Variants in CCDC102B observed in about 807,000 individuals in gnomAD.
CCDC102B encodes the protein coiled-coil domain containing 102B.
Under a neutral mutation model 57.4 loss-of-function variants are expected in CCDC102B, and 75 were observed. The observed-to-expected ratio is 1.31, with a 90% confidence interval of 1.08 to 1.58. CCDC102B has a LOEUF of 1.58. Ranked by LOEUF, CCDC102B falls within the 40% of genes most tolerant of loss-of-function variation. The pLI, the probability that CCDC102B is intolerant of heterozygous loss-of-function variation, is 0.00. For synonymous variants in CCDC102B, 206 were observed against 201.9 expected, an observed-to-expected ratio of 1.02 and a Z score of -0.17; for missense variants, 636 against 582.6, an observed-to-expected ratio of 1.09 and a Z score of -0.94.
intron 4 of CCDC102B, among the ~76,000 whole-genome samples, chr18:68,864,762 G>T (rs944041908): frequency 1.3e-5 from 2 of 151,920 alleles, no homozygotes. Context: ...TTTTTGTACT[G>T]ATAATAAAAA....
At chr18:68,913,149 T>G (rs2040932363) in intron 6 of CCDC102B, among the ~76,000 whole-genome samples, 1 of 152,232 alleles carries the variant, frequency 6.6e-6, no homozygotes. Context: ...ATGCTTAATT[T>G]AATGGCATTT....
chr18:69,019,596 A>G (rs988401219), intron 7 of CCDC102B, among the ~76,000 whole-genome samples: 1 of 152,048 alleles, frequency 6.6e-6, no homozygotes, highest in African/African-American at 2.4e-5. Flanking sequence ...ACTTTACTGA[A>G]TTCATTTATT....
At chr18:68,901,085 T>C (rs1413165390) in intron 6 of CCDC102B, among the ~76,000 whole-genome samples, 7 of 152,288 alleles carry the variant, frequency 4.6e-5, no homozygotes, top group Non-Finnish European at 7.4e-5. Context: ...CAGAAAATCT[T>C]ACCCGAGGAA....
At chr18:68,896,387 T>C (rs886116098) in intron 5 of CCDC102B, among the ~76,000 whole-genome samples, 5 of 151,990 alleles carry the variant, frequency 3.3e-5, no homozygotes, top group Non-Finnish European at 7.4e-5. Context: ...TTGATAGTAA[T>C]AAAAATCTCC....
intron 4 of CCDC102B, among the ~76,000 whole-genome samples, chr18:68,857,145 T>A (rs6566393): frequency 0.078 from 873 of 11,260 alleles, 45 homozygotes; most frequent in Non-Finnish European, 0.12. Context: ...ATATTATATA[T>A]AAATATATTT....
chr18:68,981,317 G>T (rs1368089673), intron 6 of CCDC102B, among the ~76,000 whole-genome samples: 3 of 151,966 alleles, frequency 2.0e-5, no homozygotes, highest in African/African-American at 7.2e-5. Flanking sequence ...AGAGACTTGG[G>T]AATAAATCTT....
chr18:69,030,188 C>T (rs917467350), intron 7 of CCDC102B, among the ~76,000 whole-genome samples: 3 of 152,058 alleles, frequency 2.0e-5, no homozygotes, highest in Admixed American at 6.6e-5. Context: ...AAATATGTAA[C>T]ACAAAATATT....
At chr18:68,744,704 G>A (rs1277472605) in intron 2 of CCDC102B, among the ~76,000 whole-genome samples, 1 of 152,134 alleles carries the variant, frequency 6.6e-6, no homozygotes, top group Non-Finnish European at 1.5e-5. Flanking sequence ...CCCCGGCTGC[G>A]TGGTTACCCC....
chr18:69,026,725 C>T (rs1163398010), intron 7 of CCDC102B, among the ~76,000 whole-genome samples: 1 of 152,136 alleles, frequency 6.6e-6, no homozygotes, highest in Non-Finnish European at 1.5e-5. Context: ...TCCAAGGTCA[C>T]CCCTGTGGAC....
At chr18:68,879,853 G>A (rs1042535472) in intron 5 of CCDC102B, among the ~76,000 whole-genome samples, 6 of 152,136 alleles carry the variant, frequency 3.9e-5, no homozygotes, top group Admixed American at 1.3e-4. Context: ...ACAGAGTGCC[G>A]ATTGGTGTAT....
intron 4 of CCDC102B, among the ~76,000 whole-genome samples, chr18:68,869,052 C>T (rs139668728): frequency 6.7e-4 from 98 of 146,220 alleles, no homozygotes; most frequent in Non-Finnish European, 1.1e-3. Flanking sequence ...CTGACCTTAT[C>T]AGCCAGGTGG....
intron 5 of CCDC102B, among the ~76,000 whole-genome samples, chr18:68,882,091 A>T (rs955505630): frequency 1.3e-5 from 2 of 152,204 alleles, no homozygotes; most frequent in Non-Finnish European, 2.9e-5. Flanking sequence ...ATAAGATTTT[A>T]AAAATCAAAT....
intron 6 of CCDC102B, among the ~76,000 whole-genome samples, chr18:68,920,745 T>C (rs2041249371): frequency 2.0e-5 from 3 of 152,170 alleles, no homozygotes. Flanking sequence ...GAGTAAATGC[T>C]GAGTGAAGGT....
At chr18:68,887,199 C>T (rs552925034) in intron 5 of CCDC102B, among the ~76,000 whole-genome samples, 166 of 152,202 alleles carry the variant, frequency 1.1e-3, no homozygotes, top group African/African-American at 3.9e-3. Flanking sequence ...GAAGTTCTTC[C>T]TTCTCCCGTC....
intron 2 of CCDC102B, among the ~76,000 whole-genome samples, chr18:68,788,423 G>A (rs1245404642): frequency 1.3e-5 from 2 of 150,012 alleles, no homozygotes; most frequent in African/African-American, 4.9e-5. Flanking sequence ...AATGTTGACA[G>A]TGGGGTGTTA....
intron 7 of CCDC102B, among the ~76,000 whole-genome samples, chr18:69,012,449 T>C (rs1251811923): frequency 1.3e-5 from 2 of 152,152 alleles, no homozygotes; most frequent in Non-Finnish European, 2.9e-5. Context: ...ATTTAAATAA[T>C]GAGCTGCGGT....
At chr18:68,975,180 A>G (rs1269111843) in intron 6 of CCDC102B, among the ~76,000 whole-genome samples, 1 of 152,004 alleles carries the variant, frequency 6.6e-6, no homozygotes, top group Non-Finnish European at 1.5e-5. Flanking sequence ...CTCTGTCTAT[A>G]CTTACATACT....
Position 69,014,701 on chromosome 18 carries a change from G to GT in CCDC102B, c.1434+3605dup, listed in dbSNP as rs552044080. Among the ~76,000 whole-genome samples, 170 of 151,086 alleles carry GT rather than the reference G, an allele frequency of 1.1e-3. 2 individuals carry two copies. The highest frequency in any genetic ancestry group is 9.7e-3 in the South Asian group (46 of 4,756). ...TTCGTTGTGGAGATAATCACGAGGT[G>GT]TTTTTTTTGTGTGTGTGTGTGTATT... is the stretch of plus-strand genomic sequence containing the variant. On this transcript the variant is annotated intron_variant, in intron 7 of 7. Coordinates refer to ENST00000360242, the MANE Select transcript of CCDC102B (RefSeq NM_024781.3).
chr18:69,053,982 C>CT (rs1248634225), intron 7 of CCDC102B, 48 bp from the exon 8 acceptor site: 2 of 1,458,108 alleles, frequency 1.4e-6, no homozygotes, highest in Admixed American at 2.1e-5. Flanking sequence ...CCATGATGTA[C>CT]TATAGAACAC....
Sources: allele counts gnomAD v4.1 joint callset (sites outside exome capture counted in the v4.1 genomes callset), GRCh38; gene constraint gnomAD v4.1.1; transcripts MANE v1.5; gene names NCBI Gene and HGNC (gene_info 2026-07-23, HGNC 2026-07-21).